SPTA1: variants seen among roughly 807,000 people sequenced by gnomAD.
SPTA1 encodes spectrin alpha chain, erythrocytic 1.
Under a neutral mutation model 324.7 loss-of-function variants are expected in SPTA1, and 177 were observed. That is an observed-to-expected ratio of 0.55 (90% CI 0.48 to 0.62). The LOEUF (loss-of-function observed/expected upper bound fraction) is 0.62. Ranked by LOEUF, SPTA1 falls within the 20% of genes least tolerant of loss-of-function variation. The pLI, the probability that SPTA1 is intolerant of heterozygous loss-of-function variation, is 0.00. For missense variants in SPTA1, 3,162 were observed against 2,883.6 expected (o/e 1.10, Z -2.21); for synonymous variants, 1,195 against 1,041.3 (o/e 1.15, Z -2.84).
intron 10 of SPTA1, 25 bp from the exon 11 acceptor site, chr1:158,672,221 T>C (rs760295982): frequency 6.3e-7 from 1 of 1,598,432 alleles, no homozygotes; most frequent in Middle Eastern, 1.7e-4. Context: ...AGATAATGTA[T>C]ATGGAAGATA....
intron 16 of SPTA1, among the ~76,000 whole-genome samples, chr1:158,664,568 A>G (rs1653462071): frequency 6.6e-6 from 1 of 152,180 alleles, no homozygotes; most frequent in Non-Finnish European, 1.5e-5. Context: ...TAAAATCTAG[A>G]TGACAGGTTG....
chr1:158,647,030 T>A (rs570699710), intron 27 of SPTA1, among the ~76,000 whole-genome samples: 1 of 152,264 alleles, frequency 6.6e-6, no homozygotes, highest in Non-Finnish European at 1.5e-5. Context: ...CCAAACATGT[T>A]CTTATGCTTA....
At chr1:158,640,875 A>C (rs577247020) in intron 33 of SPTA1, among the ~76,000 whole-genome samples, 10 of 152,328 alleles carry the variant, frequency 6.6e-5, no homozygotes, top group African/African-American at 2.4e-4. Context: ...AAAAGAACAA[A>C]GCTGGAGGCA....
At chr1:158,655,054 G>A (rs1557964005) in intron 20 of SPTA1, among the ~76,000 whole-genome samples, 1 of 152,162 alleles carries the variant, frequency 6.6e-6, no homozygotes, top group East Asian at 1.9e-4. Context: ...TTTAAGAAGT[G>A]TACTCCCTTA....
chr1:158,657,557 G>T lies in SPTA1; in HGVS notation c.2725C>A (p.His909Asn), dbSNP rs746206615. The change falls in exon 19 of 52, where the codon CAT becomes AAT. Residue 909 changes from histidine to asparagine, a missense_variant. Transcript: ENST00000643759. ...TCTCTGATCCATGTTTCTGCTTCAT[G>T]CAGGTCAGCCAGGTACTGCTGGAAC... ...VQFQQYLADL[H>N]EAETWIREKE... 1 of 1,591,524 alleles carries T rather than the reference G, an allele frequency of 6.3e-7. No individual in the cohort carries two copies. Among genetic ancestry groups the T allele is most frequent in the Non-Finnish European group, 8.6e-7 (1 of 1,165,812 alleles).
intron 16 of SPTA1, among the ~76,000 whole-genome samples, chr1:158,665,926 A>G (rs1458663823): frequency 6.6e-6 from 1 of 152,144 alleles, no homozygotes; most frequent in African/African-American, 2.4e-5. Flanking sequence ...GGATGTATAT[A>G]CAACCCAGAT....
chr1:158,668,065 G>T lies in SPTA1; in HGVS notation c.1834-3C>A. 3 of 1,536,114 alleles carry T rather than the reference G, an allele frequency of 2.0e-6. No individual in the cohort carries two copies. Among genetic ancestry groups the T allele is most frequent in the Non-Finnish European group, 1.7e-6 (2 of 1,144,026 alleles). ...CTGCTCTTCAAGTTCTGTATGTCCT[G>T]AGATAAGATGAAAAAAAAAAAAAAA... On this transcript the variant is annotated splice_region_variant and splice_polypyrimidine_tract_variant and intron_variant, in intron 14 of 51. Transcript: ENST00000643759.
At chr1:158,614,901 A>G (rs1649465207) in intron 48 of SPTA1, 1 of 299,840 alleles carries the variant, frequency 3.3e-6, no homozygotes, top group Non-Finnish European at 6.2e-6. Context: ...TTTTAGATAA[A>G]ATTCTATGAA....
intron 32 of SPTA1, 41 bp from the exon 33 acceptor site, chr1:158,642,583 T>A: frequency 6.2e-7 from 1 of 1,610,908 alleles, no homozygotes; most frequent in Non-Finnish European, 8.5e-7. Flanking sequence ...ATCTTTTTAT[T>A]TATGGTGACA....
chr1:158,679,766 G>T (rs1384261284), intron 5 of SPTA1, among the ~76,000 whole-genome samples: 1 of 152,066 alleles, frequency 6.6e-6, no homozygotes, highest in Non-Finnish European at 1.5e-5. Flanking sequence ...TTTGTTGATT[G>T]GTTAGACAGT....
intron 35 of SPTA1, 119 bp downstream of exon 35, chr1:158,639,463 G>A: frequency 9.9e-7 from 1 of 1,009,506 alleles, no homozygotes; most frequent in Non-Finnish European, 1.6e-6. Flanking sequence ...ACTGCTGGTT[G>A]AGAACACTAA....
intron 7 of SPTA1, 125 bp from the exon 8 acceptor site, chr1:158,676,420 A>T: frequency 1.0e-6 from 1 of 989,290 alleles, no homozygotes; most frequent in Non-Finnish European, 1.5e-6. Flanking sequence ...ATATGAATAG[A>T]TTTCTATTAA....
rs781244377 is a variant in SPTA1 at position 158,639,922 on chromosome 1, C to T, written c.4823G>A (p.Arg1608His). 1.9e-5 allele frequency: 30 copies of T among 1,613,798 alleles called. No homozygotes were observed. The highest frequency in any genetic ancestry group is 1.6e-4 in the East Asian group (7 of 44,884). ...DKGKKLNEAS[R>H]QQRFNTSIRD... ...GATGCTTGTGTTGAACCTCTGTTGACGACTGGCCTCATTGAGCTTCTTCCC... is the reference window on the plus strand; with the variant it reads ...GATGCTTGTGTTGAACCTCTGTTGATGACTGGCCTCATTGAGCTTCTTCCC... The change falls in exon 34 of 52, where the codon CGT (arginine) becomes CAT (histidine). Residue 1608 changes from arginine (R) to histidine (H), a missense_variant. Coordinates refer to ENST00000643759, the MANE Select transcript of SPTA1 (RefSeq NM_003126.4).
At chr1:158,642,787 T>A in intron 32 of SPTA1, 27 bp downstream of exon 32, 1 of 1,613,764 alleles carries the variant, frequency 6.2e-7, no homozygotes, top group Non-Finnish European at 8.5e-7. Flanking sequence ...ATGGTGAAAT[T>A]TTCCAAGATT....
chr1:158,638,745 CAA>C (rs34072412), intron 35 of SPTA1, among the ~76,000 whole-genome samples: 13 of 92,186 alleles, frequency 1.4e-4, no homozygotes, highest in Admixed American at 1.3e-4. Flanking sequence ...GAGCTGGTAC[CAA>C]AAAAAAAAAA....
intron 27 of SPTA1, among the ~76,000 whole-genome samples, chr1:158,645,886 G>C (rs1284304223): frequency 6.6e-6 from 1 of 152,146 alleles, no homozygotes; most frequent in Admixed American, 6.5e-5. Flanking sequence ...AGTCACCTTA[G>C]AAAAGGTAAT....
chr1:158,611,561 A>G (rs761093519), intron 51 of SPTA1, 172 bp from the exon 52 acceptor site: 184 of 645,594 alleles, frequency 2.9e-4, no homozygotes, highest in Non-Finnish European at 4.2e-4. Context: ...TCTAATGAGT[A>G]ACTTAACTTT....
At chr1:158,652,714 T>A in intron 22 of SPTA1, 61 bp from the exon 23 acceptor site, 1 of 1,578,254 alleles carries the variant, frequency 6.3e-7, no homozygotes, top group Non-Finnish European at 8.7e-7. Flanking sequence ...GAGTAGAGGC[T>A]GAGTGACAAA....
At chr1:158,637,445 A>G (rs1181124775) in intron 36 of SPTA1, among the ~76,000 whole-genome samples, 1 of 152,234 alleles carries the variant, frequency 6.6e-6, no homozygotes, top group African/African-American at 2.4e-5. Context: ...GTAATGTGCT[A>G]AGATTTTCCA....
Sources: gnomAD v4.1 joint callset for allele counts (sites outside exome capture counted in the v4.1 genomes callset) on GRCh38, gnomAD v4.1.1 for gene constraint, MANE v1.5 for transcripts, NCBI Gene and HGNC (gene_info 2026-07-23, HGNC 2026-07-21) for gene names.